The following ARHGEF37 variants were observed in gnomAD, a reference collection of about 807,000 sequenced individuals.
ARHGEF37 encodes the protein Rho guanine nucleotide exchange factor (GEF) 37.
Under a neutral mutation model 71.1 loss-of-function variants are expected in ARHGEF37, and 55 were observed. That is an observed-to-expected ratio of 0.77 (90% CI 0.62 to 0.97). The LOEUF (loss-of-function observed/expected upper bound fraction) is 0.97, where lower values mean the gene tolerates loss of function less well. ARHGEF37 is among the 50% of genes least tolerant of loss of function. ARHGEF37 has a pLI of 0.00. For synonymous variants in ARHGEF37, 327 were observed against 350.6 expected (o/e 0.93, Z 0.75); for missense variants, 765 against 836.8 (o/e 0.91, Z 1.06).
upstream of ARHGEF37, among the ~76,000 whole-genome samples, chr5:149,580,176 T>C (rs559754051): frequency 6.6e-6 from 1 of 152,144 alleles, no homozygotes; most frequent in African/African-American, 2.4e-5. Context: ...TTCTCCTGCC[T>C]CAGCCTCCCA....
At chr5:149,616,854 AG>A (rs2113361855) in intron 5 of ARHGEF37, 88 bp downstream of exon 5, 1 of 1,320,590 alleles carries the variant, frequency 7.6e-7, no homozygotes, top group South Asian at 1.4e-5. Context: ...ACCAGTAAAG[AG>A]AATGTAGTGG....
chr5:149,604,709 ATCTC>A (rs57600055), intron 3 of ARHGEF37, among the ~76,000 whole-genome samples: 34,067 of 91,098 alleles, frequency 0.37, 4,815 homozygotes, highest in East Asian at 0.53. Flanking sequence ...TTGAGACAGA[ATCTC>A]TCTCTGTCGC....
intron 7 of ARHGEF37, among the ~76,000 whole-genome samples, chr5:149,620,055 A>G (rs1235479685): frequency 6.6e-6 from 1 of 150,538 alleles, no homozygotes; most frequent in African/African-American, 2.4e-5. Context: ...CCTGGGTGAC[A>G]GAGTGAGACT....
rs76200750 is a variant in ARHGEF37, at chr5:149,584,462, G to A, written c.-12+2838G>A. Among the ~76,000 whole-genome samples, 2,386 of 152,262 alleles carry A rather than the reference G, an allele frequency of 0.016. 236 individuals carry two copies. In the East Asian group the frequency reaches 0.3, roughly 19 times the overall value. ...CCAATCATTTATTTATCAACACAGA[G>A]AAGTCCTTTTCTGTAAGCACAGTGA... On this transcript the variant is annotated intron_variant, in intron 1 of 12. Coordinates refer to ENST00000333677, the MANE Select transcript of ARHGEF37 (RefSeq NM_001001669.3).
At chr5:149,613,187 T>C (rs114656027) in intron 4 of ARHGEF37, among the ~76,000 whole-genome samples, 3,202 of 152,314 alleles carry the variant, frequency 0.021, 112 homozygotes, top group African/African-American at 0.074. Context: ...AAAAGCAACA[T>C]ATGCTTATTG....
At chr5:149,606,302 T>A (rs928645815) in intron 3 of ARHGEF37, among the ~76,000 whole-genome samples, 2 of 152,224 alleles carry the variant, frequency 1.3e-5, no homozygotes, top group African/African-American at 2.4e-5. Flanking sequence ...ATGTTCTGTC[T>A]GGCTCTAGGG....
intron 3 of ARHGEF37, among the ~76,000 whole-genome samples, chr5:149,607,072 T>C (rs1224573292): frequency 6.6e-5 from 10 of 152,170 alleles, no homozygotes; most frequent in Admixed American, 5.2e-4. Context: ...GGCTAATTTT[T>C]GTATTTTTTT....
At chr5:149,631,568 C>T (rs140258826) in intron 12 of ARHGEF37, among the ~76,000 whole-genome samples, 2 of 152,312 alleles carry the variant, frequency 1.3e-5, no homozygotes, top group East Asian at 3.9e-4. Context: ...ACCATTAGAT[C>T]TGGAGAGGGA....
chr5:149,565,829 A>ATTTTTTTTTTT lies in ARHGEF37; in HGVS notation c.-12+13731_-12+13741dup, dbSNP rs201683478. On this transcript the variant is annotated intron_variant, in intron 1 of 2. Transcript: ENST00000505810. ...TAGCTTTGTAATGTCAGAAACTCTA[A>ATTTTTTTTTTT]TTTTTTTTTTTTTTTTTTTTTTTTT... Among the ~76,000 whole-genome samples, 187 of 84,528 alleles carry ATTTTTTTTTTT rather than the reference A, an allele frequency of 2.2e-3. 21 individuals carry two copies. Among genetic ancestry groups the ATTTTTTTTTTT allele is most frequent in the East Asian group, 4.5e-3 (11 of 2,422 alleles). 55.5% of individuals were successfully genotyped at this position (84,528 alleles called of 152,430 possible). A position where few individuals can be genotyped will look rare whatever the true frequency, so the allele number is the denominator to read the frequency against.
chr5:149,589,186 C>A (rs1763324156), intron 1 of ARHGEF37, among the ~76,000 whole-genome samples: 1 of 146,096 alleles, frequency 6.8e-6, no homozygotes, highest in African/African-American at 2.6e-5. Flanking sequence ...GAGTGAGATC[C>A]TGTCTCTTAA....
chr5:149,565,045 A>G (rs1048450645), intron 1 of ARHGEF37, among the ~76,000 whole-genome samples: 2 of 152,214 alleles, frequency 1.3e-5, no homozygotes, highest in African/African-American at 4.8e-5. Context: ...ATACCCAGCA[A>G]GGAGCTACAG....
At position 149,625,530 on chromosome 5, in the gene ARHGEF37, C is replaced by T. The variant is rs75678335; in HGVS notation, c.1464+1390C>T. ...TAGCCCACACCTGGCCCAAGTGCCG[C>T]GAACATGGGAGACCTTCACAGCCTG... On this transcript the variant is annotated intron_variant, in intron 10 of 12. Coordinates refer to ENST00000333677, the MANE Select transcript of ARHGEF37 (RefSeq NM_001001669.3). Among the ~76,000 whole-genome samples the T allele has an allele frequency of 3.4e-3, 520 of 152,334 alleles. 2 individuals carry two copies. Among genetic ancestry groups the T allele is most frequent in the African/African-American group, 0.012 (504 of 41,584 alleles).
chr5:149,579,072 G>A (rs1334749613), upstream of ARHGEF37, among the ~76,000 whole-genome samples: 2 of 152,162 alleles, frequency 1.3e-5, no homozygotes, highest in South Asian at 2.1e-4. Flanking sequence ...CAGCTGCCCC[G>A]GGGAGTGTTG....
chr5:149,605,024 C>T (rs1012278682), intron 3 of ARHGEF37, among the ~76,000 whole-genome samples: 329 of 151,644 alleles, frequency 2.2e-3, no homozygotes, highest in African/African-American at 7.4e-3. Flanking sequence ...GTCAGGAGTT[C>T]GAGACCAGCT....
Position 149,622,092 on chromosome 5 carries a change from G to C in ARHGEF37, c.1335+30G>C, listed in dbSNP as rs746241943. ...GGCCTCTGAGACTTGGACACCTGTG[G>C]GGAGTAGCCAGGCAAGGCCCTGCAG... On this transcript the variant is annotated intron_variant, in intron 9 of 12. Transcript: ENST00000333677. The C allele has an allele frequency of 5.8e-6, 9 of 1,563,256 alleles. No homozygotes were observed. The African/African-American group carries it at 8.1e-5, about 14-fold the overall frequency.
intron 10 of ARHGEF37, among the ~76,000 whole-genome samples, chr5:149,625,642 G>T (rs372895754): frequency 6.6e-6 from 1 of 152,252 alleles, no homozygotes; most frequent in Non-Finnish European, 1.5e-5. Flanking sequence ...GCCCAGCAGA[G>T]ACCTCACCGA....
At position 149,619,016 on chromosome 5, in the gene ARHGEF37, G is replaced by A. The variant is rs767231512; in HGVS notation, c.868G>A (p.Val290Met). 4 of 1,614,144 alleles carry A rather than the reference G, an allele frequency of 2.5e-6. No individual in the cohort carries two copies. Among genetic ancestry groups the A allele is most frequent in the African/African-American group, 2.7e-5 (2 of 75,038 alleles). ...GTGTGTGACTGAGCTGAAGAACAACGTGGCTGCTTACCTGGACAATCTGCA... is the reference window on the plus strand; with the variant it reads ...GTGTGTGACTGAGCTGAAGAACAACATGGCTGCTTACCTGGACAATCTGCA... ...SLCVTELKNNVAAYLDNLQAF... is the reference protein window; with the variant it reads ...SLCVTELKNNMAAYLDNLQAF... Residue 290 changes from valine to methionine, a missense_variant, in exon 7 of 13, where the codon GTG becomes ATG. This residue lies in a region of ARHGEF37 where 167 missense variants were observed against 173.3 expected (regional missense o/e 0.96). Transcript: ENST00000333677.
At chr5:149,613,449 C>T (rs1028408842) in intron 4 of ARHGEF37, among the ~76,000 whole-genome samples, 5 of 150,970 alleles carry the variant, frequency 3.3e-5, no homozygotes, top group African/African-American at 9.8e-5. Flanking sequence ...GGGGTTCAAG[C>T]GATTCTCCTT....
intron 2 of ARHGEF37, 61 bp downstream of exon 2, chr5:149,598,016 T>G: frequency 6.7e-7 from 1 of 1,492,628 alleles, no homozygotes; most frequent in Non-Finnish European, 8.9e-7. Context: ...TCCCAGCTTC[T>G]GAGATTTCTC....
Sources: gnomAD v4.1 joint callset for allele counts (sites outside exome capture counted in the v4.1 genomes callset) on GRCh38, gnomAD v4.1.1 for gene constraint, gnomAD v4.1.1 regional missense constraint, MANE v1.5 for transcripts, NCBI Gene and HGNC (gene_info 2026-07-23, HGNC 2026-07-21) for gene names.